Variants in PCDH11X observed in about 807,000 individuals in gnomAD.
The protein encoded by PCDH11X is protocadherin-11 X-linked.
In PCDH11X, 18 loss-of-function variants were observed where a neutral mutation model predicts 53.3. The ratio of observed to expected loss-of-function variants is 0.34; its 90% CI spans 0.23 to 0.50. The LOEUF is 0.50. PCDH11X is among the 20% of genes least tolerant of loss of function. The pLI is 0.98. For synonymous variants in PCDH11X, 279 were observed against 393.3 expected, an observed-to-expected ratio of 0.71 and a Z score of 3.44; for missense variants, 570 against 1,032.4, an observed-to-expected ratio of 0.55 and a Z score of 6.14.
At chrX:92,069,304 G>T (rs1321017978) in intron 6 of PCDH11X, among the ~76,000 whole-genome samples, 1 of 106,282 alleles carries the variant, frequency 9.4e-6, no homozygotes, top group Non-Finnish European at 1.9e-5. Flanking sequence ...GCTCTTTTTT[G>T]GTTTATATTG....
At chrX:92,511,286 C>A (rs1210942152) in intron 10 of PCDH11X, among the ~76,000 whole-genome samples, 2 of 111,495 alleles carry the variant, frequency 1.8e-5, no homozygotes, top group African/African-American at 3.3e-5. Flanking sequence ...TGGATGGTGT[C>A]ATTAAAACAT....
chrX:92,014,856 A>C (rs1420675368), intron 6 of PCDH11X, among the ~76,000 whole-genome samples: 3 of 110,720 alleles, frequency 2.7e-5, no homozygotes, highest in African/African-American at 9.9e-5. Flanking sequence ...GGGCACAGGA[A>C]GTGGAACATC....
chrX:92,209,797 A>G (rs999585882), intron 7 of PCDH11X, among the ~76,000 whole-genome samples: 3 of 112,610 alleles, frequency 2.7e-5, no homozygotes, highest in Non-Finnish European at 5.6e-5. Flanking sequence ...CACATGCAGC[A>G]GATATCTGCC....
chrX:91,786,320 T>G (rs2147511815), intron 1 of PCDH11X, among the ~76,000 whole-genome samples: 1 of 109,669 alleles, frequency 9.1e-6, no homozygotes, highest in South Asian at 4.0e-4. Flanking sequence ...GGAGGAAAGA[T>G]AAATGAAAGG....
intron 8 of PCDH11X, among the ~76,000 whole-genome samples, chrX:92,311,963 C>T (rs2068960798): frequency 9.0e-6 from 1 of 110,857 alleles, no homozygotes; most frequent in Middle Eastern, 4.7e-3. Flanking sequence ...AGAAAAGAAA[C>T]ATTAGTTACT....
intron 10 of PCDH11X, among the ~76,000 whole-genome samples, chrX:92,527,680 C>T (rs1268237822): frequency 9.0e-6 from 1 of 111,180 alleles, no homozygotes; most frequent in Non-Finnish European, 1.9e-5. Context: ...AAAGAAAATA[C>T]TTTTTAAAAG....
At chrX:91,841,213 T>C (rs1344156968) in intron 5 of PCDH11X, among the ~76,000 whole-genome samples, 2 of 111,698 alleles carry the variant, frequency 1.8e-5, no homozygotes, top group African/African-American at 6.5e-5. Context: ...GTGACACTAA[T>C]AGGATTAAGT....
intron 10 of PCDH11X, among the ~76,000 whole-genome samples, chrX:92,475,507 T>A (rs1307735729): frequency 8.9e-6 from 1 of 112,177 alleles, no homozygotes; most frequent in Admixed American, 9.5e-5. Context: ...CACTCTCTCA[T>A]GCCCTGTAAA....
intron 10 of PCDH11X, among the ~76,000 whole-genome samples, chrX:92,594,686 T>G (rs933240840): frequency 9.2e-6 from 1 of 108,802 alleles, no homozygotes; most frequent in Admixed American, 1.0e-4. Flanking sequence ...TGTGATAACT[T>G]TGGAGATTGT....
At chrX:91,983,250 T>G (rs753715162) in intron 6 of PCDH11X, 216 of 842,031 alleles carry the variant, frequency 2.6e-4, no homozygotes, top group Non-Finnish European at 1.6e-5. Context: ...TCTTCCACAG[T>G]CATCTCGGTG....
At chrX:92,389,640 TAGG>T (rs1288132452) in intron 9 of PCDH11X, among the ~76,000 whole-genome samples, 3 of 111,144 alleles carry the variant, frequency 2.7e-5, no homozygotes, top group African/African-American at 9.8e-5. Context: ...TTGATAATAA[TAGG>T]AGAATTGGTA....
chrX:92,393,481 C>T (rs896745834), intron 9 of PCDH11X, among the ~76,000 whole-genome samples: 3 of 110,429 alleles, frequency 2.7e-5, no homozygotes, highest in Non-Finnish European at 3.8e-5. Flanking sequence ...TCCATGGCCC[C>T]GGGTTCTGGA....
chrX:91,823,697 G>A (rs1936789644), intron 4 of PCDH11X, among the ~76,000 whole-genome samples: 1 of 111,246 alleles, frequency 9.0e-6, no homozygotes, highest in African/African-American at 3.3e-5. Context: ...AGTATTATGT[G>A]TGAATTTGAT....
At chrX:92,094,306 A>C (rs1013646179) in intron 6 of PCDH11X, among the ~76,000 whole-genome samples, 5 of 110,853 alleles carry the variant, frequency 4.5e-5, no homozygotes, top group Non-Finnish European at 7.6e-5. Flanking sequence ...TTTTCTTTGC[A>C]AACCATTTGA....
chrX:92,195,347 C>T (rs2066275090), intron 6 of PCDH11X, among the ~76,000 whole-genome samples: 1 of 111,403 alleles, frequency 9.0e-6, no homozygotes, highest in South Asian at 3.7e-4. Context: ...ATTTTTCCAC[C>T]TGGTGATTTG....
At chrX:92,522,063 A>T (rs1158274259) in intron 10 of PCDH11X, among the ~76,000 whole-genome samples, 3 of 112,302 alleles carry the variant, frequency 2.7e-5, no homozygotes, top group African/African-American at 9.7e-5. Context: ...GTTAACTGGA[A>T]TATAACTTTT....
intron 7 of PCDH11X, among the ~76,000 whole-genome samples, chrX:92,243,110 C>A (rs910218969): frequency 9.0e-6 from 1 of 111,490 alleles, no homozygotes; most frequent in Non-Finnish European, 1.9e-5. Flanking sequence ...TCTAATTAAG[C>A]AATTTCACCT....
intron 8 of PCDH11X, among the ~76,000 whole-genome samples, chrX:92,332,156 G>A (rs1207865116): frequency 1.8e-5 from 2 of 112,102 alleles, no homozygotes; most frequent in South Asian, 3.6e-4. Context: ...TGATACTTAA[G>A]TGCTAAGATC....
chrX:92,231,384 G>A (rs1268152890), intron 7 of PCDH11X, among the ~76,000 whole-genome samples: 1 of 111,445 alleles, frequency 9.0e-6, no homozygotes, highest in Non-Finnish European at 1.9e-5. Context: ...ATACAGCTGA[G>A]GATTTAAGTG....
Sources: allele counts gnomAD v4.1 joint callset (sites outside exome capture counted in the v4.1 genomes callset), GRCh38; gene constraint gnomAD v4.1.1; transcripts MANE v1.5; gene names NCBI Gene and HGNC (gene_info 2026-07-23, HGNC 2026-07-21).